BAALC: variants seen among roughly 807,000 people sequenced by gnomAD.
BAALC encodes BAALC binder of MAP3K1 and KLF4.
BAALC carries 9 observed loss-of-function variants against 15.5 expected under a neutral mutation model. The ratio of observed to expected loss-of-function variants is 0.58; its 90% CI spans 0.35 to 1.02. BAALC has a LOEUF of 1.02. Ranked by LOEUF, BAALC falls within the 50% of genes least tolerant of loss-of-function variation. BAALC has a pLI of 0.02. For synonymous variants in BAALC, 80 were observed against 74.6 expected (o/e 1.07, Z -0.37); for missense variants, 201 against 192.4 (o/e 1.04, Z -0.27).
chr8:103,193,586 G>A (rs998572926), intron 1 of BAALC, among the ~76,000 whole-genome samples: 5 of 152,206 alleles, frequency 3.3e-5, no homozygotes, highest in Admixed American at 3.3e-4. Flanking sequence ...ATAGATGGGA[G>A]CAAGACATCT....
chr8:103,168,849 GTA>G (rs1220549312), intron 1 of BAALC, among the ~76,000 whole-genome samples: 1 of 151,988 alleles, frequency 6.6e-6, no homozygotes, highest in Non-Finnish European at 1.5e-5. Context: ...AGCTTTCTAT[GTA>G]AGAGGTGACA....
At chr8:103,150,343 GTGTGTGTGTC>G (rs1269409261) in intron 1 of BAALC, among the ~76,000 whole-genome samples, 1 of 130,910 alleles carries the variant, frequency 7.6e-6, no homozygotes, top group African/African-American at 2.8e-5. Flanking sequence ...CTGTGTGTGT[GTGTGTGTGTC>G]TGTGTGTCTG....
intron 1 of BAALC, among the ~76,000 whole-genome samples, chr8:103,157,502 T>G (rs2129890939): frequency 6.6e-6 from 1 of 152,182 alleles, no homozygotes; most frequent in South Asian, 2.1e-4. Context: ...TCTAAGAAAT[T>G]AGGACTCTTT....
intron 1 of BAALC, among the ~76,000 whole-genome samples, chr8:103,184,762 C>T (rs1043233186): frequency 1.3e-5 from 2 of 152,292 alleles, no homozygotes; most frequent in Admixed American, 6.5e-5. Flanking sequence ...AATAGATGAG[C>T]GTGGCAACCA....
chr8:103,157,612 G>A (rs10088491), intron 1 of BAALC, among the ~76,000 whole-genome samples: 67,150 of 151,804 alleles, frequency 0.44, 14,889 homozygotes, highest in Middle Eastern at 0.56. Flanking sequence ...GTATGAGACC[G>A]TCCTGGGCAA....
At position 103,195,192 on chromosome 8, in the gene BAALC, GCCAT is replaced by G. The variant is rs775642048; in HGVS notation, c.161-17725_161-17722del. 4.3e-4 allele frequency among the ~76,000 whole-genome samples: 65 copies of G among 152,176 alleles called. 1 individual carries two copies. In the Middle Eastern group the frequency reaches 0.017, roughly 40 times the overall value. On this transcript the variant is annotated intron_variant, in intron 1 of 2. Transcript: ENST00000309982. ...ATCTCCCCTTCCCAGCAGCGAAGTA[GCCAT>G]CTGTGGCAAGAGGGAAGGAAAGCCC...
intron 1 of BAALC, among the ~76,000 whole-genome samples, chr8:103,163,919 A>C (rs1258923929): frequency 6.6e-6 from 1 of 152,208 alleles, no homozygotes; most frequent in Non-Finnish European, 1.5e-5. Context: ...GGGCTGGAGC[A>C]GTGGACAAGA....
intron 1 of BAALC, among the ~76,000 whole-genome samples, chr8:103,147,955 ACT>A (rs919290027): frequency 1.3e-4 from 19 of 151,346 alleles, no homozygotes; most frequent in African/African-American, 3.9e-4. Context: ...CCTGACTCCC[ACT>A]CTGTCTCATG....
chr8:103,165,814 A>T (rs954415592), intron 1 of BAALC: 3 of 152,232 alleles, frequency 2.0e-5, no homozygotes, highest in Non-Finnish European at 2.9e-5. Context: ...CACTGTTAGT[A>T]AGACACTTAC....
rs566493347 is a variant in BAALC, at chr8:103,230,023, G to T, written c.*1924G>T. On this transcript the variant is annotated 3_prime_UTR_variant, in exon 3 of 3. Coordinates refer to ENST00000309982, the MANE Select transcript of BAALC (RefSeq NM_024812.3). ...TTTGTTTCTGCATCAGTTCACTGCT[G>T]CATGTTGTTTGGAATTTATCACCTT... 1 of 152,128 alleles carries T rather than the reference G, an allele frequency of 6.6e-6. No homozygotes were observed. Among genetic ancestry groups the T allele is most frequent in the Non-Finnish European group, 1.5e-5 (1 of 68,032 alleles). 9.4% of individuals were successfully genotyped at this position (152,128 alleles called of 1,614,324 possible).
intron 1 of BAALC, among the ~76,000 whole-genome samples, chr8:103,157,849 A>T (rs139388422): frequency 2.0e-5 from 3 of 152,332 alleles, no homozygotes; most frequent in African/African-American, 4.8e-5. Flanking sequence ...GGATTGGACT[A>T]TATTAAATTG....
intron 1 of BAALC, among the ~76,000 whole-genome samples, chr8:103,155,951 CAG>C (rs1469895561): frequency 6.6e-5 from 10 of 152,166 alleles, no homozygotes; most frequent in Non-Finnish European, 1.5e-5. Flanking sequence ...TGTAAAGGGA[CAG>C]AGGGTAAATA....
chr8:103,155,619 TCC>T (rs1204046057), intron 1 of BAALC, among the ~76,000 whole-genome samples: 2 of 152,180 alleles, frequency 1.3e-5, no homozygotes, highest in East Asian at 3.9e-4. Context: ...CGGCTAACTC[TCC>T]TAGCAGCTGG....
rs986935665 is a variant in BAALC, at chr8:103,168,520, T to A, written c.160+27463T>A. Among the ~76,000 whole-genome samples the A allele has an allele frequency of 2.0e-4, 30 of 152,238 alleles. 1 individual carries two copies. The highest frequency in any genetic ancestry group is 7.2e-4 in the African/African-American group (30 of 41,554). On this transcript the variant is annotated intron_variant, in intron 1 of 2. Coordinates refer to ENST00000309982, the MANE Select transcript of BAALC (RefSeq NM_024812.3). The stretch of plus-strand genomic sequence containing the variant: ...TTAAAAATATGTGTTTGTTTTTTTT[T>A]TTTTAATGTGAATGCATCACTAATT...
intron 1 of BAALC, among the ~76,000 whole-genome samples, chr8:103,190,180 G>A (rs1317835463): frequency 6.6e-6 from 1 of 152,194 alleles, no homozygotes; most frequent in Non-Finnish European, 1.5e-5. Flanking sequence ...TGGCTTGAAG[G>A]TAACATGGTA....
chr8:103,195,951 G>A (rs1236674218), intron 1 of BAALC, among the ~76,000 whole-genome samples: 6 of 152,184 alleles, frequency 3.9e-5, no homozygotes, highest in Non-Finnish European at 8.8e-5. Context: ...GGAGTGCAGG[G>A]GAGTCCAACC....
chr8:103,180,133 T>G (rs1191280511), intron 1 of BAALC, among the ~76,000 whole-genome samples: 1 of 152,142 alleles, frequency 6.6e-6, no homozygotes, highest in African/African-American at 2.4e-5. Context: ...GGAGCAGATT[T>G]ATAGCCAAGA....
chr8:103,224,616 A>C (rs573645847), intron 2 of BAALC, among the ~76,000 whole-genome samples: 15 of 152,150 alleles, frequency 9.9e-5, no homozygotes, highest in African/African-American at 2.6e-4. Context: ...AGGTTGTAAA[A>C]TGTTTCTTAT....
rs964936187 is a variant in BAALC, at chr8:103,229,409, C to T, written c.*1310C>T. 1 of 152,182 alleles carries T rather than the reference C, an allele frequency of 6.6e-6. No individual in the cohort carries two copies. The highest frequency in any genetic ancestry group is 2.4e-5 in the African/African-American group (1 of 41,442). 9.4% of individuals were successfully genotyped at this position (152,182 alleles called of 1,614,324 possible). Reference sequence around the variant, plus strand: ...TAGTCCAGAGAACTGACATGCAGGTCAAAAGTCAGATACGCAACCTCCTTA... The same window carrying T: ...TAGTCCAGAGAACTGACATGCAGGTTAAAAGTCAGATACGCAACCTCCTTA... On this transcript the variant is annotated 3_prime_UTR_variant, in exon 3 of 3. Coordinates refer to ENST00000309982, the MANE Select transcript of BAALC (RefSeq NM_024812.3).
Sources: allele counts gnomAD v4.1 joint callset (sites outside exome capture counted in the v4.1 genomes callset), GRCh38; gene constraint gnomAD v4.1.1; transcripts MANE v1.5; gene names NCBI Gene and HGNC (gene_info 2026-07-23, HGNC 2026-07-21).